SAAL1: variants seen among roughly 807,000 people sequenced by gnomAD.
SAAL1 encodes the protein serum amyloid A like 1, also known as protein SAAL1.
A neutral mutation model predicts 59.8 loss-of-function variants in SAAL1; 42 were observed. The ratio of observed to expected loss-of-function variants is 0.70; its 90% CI spans 0.55 to 0.91. SAAL1 has a LOEUF of 0.91. SAAL1 is among the 40% of genes least tolerant of loss of function. SAAL1 has a pLI of 0.00. For synonymous variants in SAAL1, 191 were observed against 194.3 expected (o/e 0.98, Z 0.14); for missense variants, 542 against 561.1 (o/e 0.97, Z 0.34).
chr11:18,082,356 AAAG>A (rs1233367541), intron 10 of SAAL1, among the ~76,000 whole-genome samples: 4 of 152,222 alleles, frequency 2.6e-5, no homozygotes, highest in Non-Finnish European at 4.4e-5. Context: ...AATGCAAATC[AAAG>A]TAAGACACAA....
intron 1 of SAAL1, among the ~76,000 whole-genome samples, chr11:18,105,671 T>C (rs10466422): frequency 0.023 from 3,472 of 152,242 alleles, 150 homozygotes; most frequent in African/African-American, 0.081. Context: ...GAACGGCAAG[T>C]ATTTCAGCAT....
At chr11:18,097,310 T>C (rs1215453974) in intron 2 of SAAL1, among the ~76,000 whole-genome samples, 9 of 152,026 alleles carry the variant, frequency 5.9e-5, no homozygotes, top group African/African-American at 1.9e-4. Flanking sequence ...TTAGGAACTG[T>C]GTCAACAGAC....
rs144009342 is a variant in SAAL1 at position 18,083,733 on chromosome 11, T to C, written c.1043-5A>G. ...GGCTGTCAATTAGAGGAAGATCTAC[T>C]GTATAAACAAATCAAGAAGCATGGA... On this transcript the variant is annotated splice_polypyrimidine_tract_variant and splice_region_variant and intron_variant, in intron 9 of 11. Coordinates refer to the SAAL1 transcript ENST00000300013. 375 of 1,578,190 alleles carry C rather than the reference T, an allele frequency of 2.4e-4. No homozygotes were observed. Among genetic ancestry groups the C allele is most frequent in the Non-Finnish European group, 3.1e-4 (361 of 1,162,426 alleles).
chr11:18,080,445 G>A lies in SAAL1; in HGVS notation c.1379C>T (p.Ala460Val). 1 of 1,593,570 alleles carries A rather than the reference G, an allele frequency of 6.3e-7. No homozygotes were observed. ...KILREVDKAL[A>V]DDLEKNFPSL... ...TGGGAAGTTTTTTTCCAAGTCATCAGCAAGCGCCTTATCAACTTCACGTAG... is the reference window on the plus strand; with the variant it reads ...TGGGAAGTTTTTTTCCAAGTCATCAACAAGCGCCTTATCAACTTCACGTAG... The change falls in exon 12 of 12, where the codon GCT (alanine) becomes GTT (valine). Residue 460 changes from alanine to valine, a missense_variant. Transcript: ENST00000524803.
chr11:18,101,470 G>A (rs1311267607), intron 2 of SAAL1, among the ~76,000 whole-genome samples: 3 of 152,052 alleles, frequency 2.0e-5, no homozygotes, highest in Non-Finnish European at 4.4e-5. Flanking sequence ...TCCCCTGCTC[G>A]CACTTCTCCT....
chr11:18,097,164 G>A (rs1848586614), intron 2 of SAAL1, among the ~76,000 whole-genome samples: 1 of 152,050 alleles, frequency 6.6e-6, no homozygotes, highest in African/African-American at 2.4e-5. Context: ...TAGAACCCGG[G>A]AGGCAGAGGT....
At position 18,083,658 on chromosome 11, in the gene SAAL1, G is replaced by C. The variant is rs762163183; in HGVS notation, c.1116C>G (p.Asn372Lys). ...NMEQCQKKPENSAESNTEETK... is the reference protein window; with the variant it reads ...NMEQCQKKPEKSAESNTEETK... Reference sequence around the variant, plus strand: ...TTTCCTCTGTGTTAGACTCTGCCGAGTTCTCTGGTTTTTTCTGACACTGTT... The same window carrying C: ...TTTCCTCTGTGTTAGACTCTGCCGACTTCTCTGGTTTTTTCTGACACTGTT... The change falls in exon 10 of 12, where the codon AAC (asparagine) becomes AAG (lysine). Residue 372 changes from asparagine (N) to lysine (K), a missense_variant. Coordinates refer to ENST00000524803, the MANE Select transcript of SAAL1 (RefSeq NM_138421.3). 1 of 1,611,704 alleles carries C rather than the reference G, an allele frequency of 6.2e-7. No individual in the cohort carries two copies. Among genetic ancestry groups the C allele is most frequent in the Non-Finnish European group, 8.5e-7 (1 of 1,178,342 alleles).
intron 2 of SAAL1, among the ~76,000 whole-genome samples, chr11:18,101,820 T>TAAAAAAAAAAAAAAAAAAAA (rs58015469): frequency 1.8e-5 from 2 of 113,158 alleles, no homozygotes; most frequent in Non-Finnish European, 1.9e-5. Context: ...CATTCAGCAA[T>TAAAAAAAAAAAAAAAAAAAA]AAAAAAAAAA....
chr11:18,083,656 G>A lies in SAAL1; in HGVS notation c.1118C>T (p.Ser373Leu), dbSNP rs150804321. The change falls in exon 10 of 12, where the codon TCG becomes TTG. Residue 373 changes from serine (S) to leucine (L), a missense_variant. Transcript: ENST00000524803. ...AGTTTCCTCTGTGTTAGACTCTGCC[G>A]AGTTCTCTGGTTTTTTCTGACACTG... ...MEQCQKKPEN[S>L]AESNTEETKR... 1.6e-5 allele frequency: 26 copies of A among 1,611,278 alleles called. No individual in the cohort carries two copies. Among genetic ancestry groups the A allele is most frequent in the East Asian group, 2.2e-5 (1 of 44,818 alleles).
At chr11:18,093,836 G>C (rs1261193097) in intron 3 of SAAL1, 1 of 152,226 alleles carries the variant, frequency 6.6e-6, no homozygotes, top group Admixed American at 6.5e-5. Flanking sequence ...GGATGAAGCT[G>C]AGGAAGACTC....
intron 10 of SAAL1, chr11:18,083,251 G>C (rs1848429076): frequency 5.2e-6 from 1 of 193,626 alleles, no homozygotes; most frequent in African/African-American, 2.3e-5. Context: ...AGTGTTAAGG[G>C]AAAACAGTAG....
intron 5 of SAAL1, 29 bp from the exon 6 acceptor site, chr11:18,090,319 A>G: frequency 6.5e-7 from 1 of 1,535,300 alleles, no homozygotes; most frequent in Non-Finnish European, 8.7e-7. Flanking sequence ...TTGAATTTCT[A>G]CTTTTCAAAA....
In SAAL1 at chr11:18,103,304, C is replaced by T. The variant is rs1848653016; in HGVS notation, c.178G>A (p.Glu60Lys). The change falls in exon 2 of 12, where the codon GAG becomes AAG. Residue 60 changes from glutamate (E) to lysine (K), a missense_variant. Coordinates refer to ENST00000524803, the MANE Select transcript of SAAL1 (RefSeq NM_138421.3). Reference protein sequence around the residue: ...ENTKSSSDDEEQLTELDEEME... With the variant: ...ENTKSSSDDEKQLTELDEEME... ...TCTTCATCAAGCTCCGTCAGCTGCT[C>T]CTCATCATCTGAGCTAGATTTGGTG... 6.2e-7 allele frequency: 1 copy of T among 1,613,944 alleles called. No homozygotes were observed. Among genetic ancestry groups the T allele is most frequent in the Non-Finnish European group, 8.5e-7 (1 of 1,179,940 alleles).
intron 10 of SAAL1, among the ~76,000 whole-genome samples, chr11:18,083,036 C>T (rs771289560): frequency 7.9e-5 from 12 of 152,086 alleles, no homozygotes; most frequent in Non-Finnish European, 1.8e-4. Flanking sequence ...ATAACATATT[C>T]ATAATACATT....
At chr11:18,091,189 T>C (rs1848520145) in intron 4 of SAAL1, among the ~76,000 whole-genome samples, 4 of 152,216 alleles carry the variant, frequency 2.6e-5, no homozygotes. Context: ...TCTCTTACCA[T>C]ATATGCCCAC....
intron 4 of SAAL1, among the ~76,000 whole-genome samples, chr11:18,091,513 G>T (rs573001079): frequency 3.3e-5 from 5 of 152,270 alleles, no homozygotes; most frequent in Non-Finnish European, 7.4e-5. Flanking sequence ...AGAAACCCAG[G>T]TACTTGAATC....
rs188853492 is a variant in SAAL1 at position 18,084,179 on chromosome 11, G to T, written c.1043-448C>A. Among the ~76,000 whole-genome samples, 303 of 152,166 alleles carry T rather than the reference G, an allele frequency of 2.0e-3. 1 individual carries two copies. The highest frequency in any genetic ancestry group is 7.1e-3 in the African/African-American group (293 of 41,542). On this transcript the variant is annotated intron_variant, in intron 9 of 11. Coordinates refer to ENST00000524803, the MANE Select transcript of SAAL1 (RefSeq NM_138421.3). ...TGGTGAAACCGTGTCTTTACAAAAA[G>T]TACAAAAAAATTAGCTCACAGGATT...
intron 2 of SAAL1, among the ~76,000 whole-genome samples, chr11:18,100,309 A>G (rs910978869): frequency 6.6e-5 from 10 of 152,220 alleles, no homozygotes; most frequent in African/African-American, 2.4e-4. Context: ...TGGGCTATAA[A>G]ACAAATCTCA....
At chr11:18,105,767 G>A in intron 1 of SAAL1, 140 bp downstream of exon 1, 1 of 1,103,760 alleles carries the variant, frequency 9.1e-7, no homozygotes, top group South Asian at 2.0e-5. Flanking sequence ...CGAAACGCAA[G>A]GAGCAAGGTC....
Sources: gnomAD v4.1 joint callset for allele counts (sites outside exome capture counted in the v4.1 genomes callset) on GRCh38, gnomAD v4.1.1 for gene constraint, MANE v1.5 for transcripts, NCBI Gene and HGNC (gene_info 2026-07-23, HGNC 2026-07-21) for gene names.